The following SLCO1B3 variants were observed in gnomAD, a reference collection of about 807,000 sequenced individuals.
SLCO1B3 encodes the protein liver-specific organic anion transporter 2.
Under a neutral mutation model 71.8 loss-of-function variants are expected in SLCO1B3, and 72 were observed. The observed-to-expected ratio is 1.00, with a 90% CI of 0.83 to 1.22. The LOEUF is 1.22. SLCO1B3 is among the 50% of genes most tolerant of loss of function. SLCO1B3 has a pLI of 0.00. For synonymous variants in SLCO1B3, 298 were observed against 278.4 expected (o/e 1.07, Z -0.70); for missense variants, 911 against 819.7 (o/e 1.11, Z -1.36).
chr12:20,834,777 G>A (rs985119673), intron 3 of SLCO1B3, among the ~76,000 whole-genome samples: 1 of 152,024 alleles, frequency 6.6e-6, no homozygotes, highest in African/African-American at 2.4e-5. Flanking sequence ...GCTTTTCCAT[G>A]TGCACAGTGC....
At chr12:20,913,544 C>A (rs1866428696) in intron 15 of SLCO1B3, among the ~76,000 whole-genome samples, 1 of 152,044 alleles carries the variant, frequency 6.6e-6, no homozygotes, top group Admixed American at 6.6e-5. Context: ...TATGTAAAGA[C>A]TTTTTTATCC....
chr12:20,870,899 A>G (rs1865462817), intron 8 of SLCO1B3, among the ~76,000 whole-genome samples: 1 of 152,038 alleles, frequency 6.6e-6, no homozygotes, highest in Non-Finnish European at 1.5e-5. Context: ...TTATGAAGGG[A>G]TGTTGAATTT....
At chr12:20,893,640 T>C (rs1865946818) in intron 13 of SLCO1B3, among the ~76,000 whole-genome samples, 3 of 151,992 alleles carry the variant, frequency 2.0e-5, no homozygotes, top group Non-Finnish European at 1.5e-5. Context: ...AACAAGAAAG[T>C]GAAAGGGCTA....
chr12:20,873,671 CAT>C (rs1409589490), intron 8 of SLCO1B3, among the ~76,000 whole-genome samples: 3 of 152,174 alleles, frequency 2.0e-5, no homozygotes, highest in African/African-American at 7.2e-5. Context: ...CATAGGTAAA[CAT>C]GTGCAATGGT....
At chr12:20,816,935 A>G (rs1250557669) in intron 3 of SLCO1B3, among the ~76,000 whole-genome samples, 1 of 152,160 alleles carries the variant, frequency 6.6e-6, no homozygotes, top group Non-Finnish European at 1.5e-5. Flanking sequence ...ATTGATTTGC[A>G]TTTCTCTGAT....
chr12:20,915,963 A>T (rs747718314), intron 15 of SLCO1B3, 41 bp from the exon 16 acceptor site: 6 of 1,481,932 alleles, frequency 4.0e-6, no homozygotes. Context: ...TATTTTACAC[A>T]TTTAAAATAA....
chr12:20,856,246 A>G (rs1865133432), intron 4 of SLCO1B3, among the ~76,000 whole-genome samples: 1 of 152,176 alleles, frequency 6.6e-6, no homozygotes, highest in South Asian at 2.1e-4. Context: ...CATCATTATC[A>G]GTTTGGTTTC....
Position 20,906,466 on chromosome 12 carries a change from TAAA to T in SLCO1B3, c.1865+5002_1865+5004del, listed in dbSNP as rs563926880. Among the ~76,000 whole-genome samples, 567 of 152,226 alleles carry T rather than the reference TAAA, an allele frequency of 3.7e-3. 2 individuals are homozygous for T. Among genetic ancestry groups the T allele is most frequent in the Non-Finnish European group, 7.0e-3 (478 of 68,000 alleles). The stretch of plus-strand genomic sequence containing the variant: ...GCCAAACCTATAGAACTTTACAACA[TAAA>T]AAGTGAACTCTAATGTAAAATATGC... On this transcript the variant is annotated intron_variant, in intron 15 of 15. Transcript: ENST00000381545.
rs765688756 is a variant in SLCO1B3, at chr12:20,855,081, C to G, written c.138C>G (p.Ile46Met). Residue 46 changes from isoleucine to methionine, a missense_variant, in exon 4 of 16, where the codon ATC becomes ATG. Transcript: ENST00000381545. The part of the protein sequence containing the change: ...FSYIAKALGG[I>M]IMKISITQIE... ...ATATTGCTAAAGCACTAGGTGGAAT[C>G]ATTATGAAAATTTCCATCACTCAAA... is the stretch of plus-strand genomic sequence containing the variant. 2 of 1,611,664 alleles carry G rather than the reference C, an allele frequency of 1.2e-6. No homozygotes were observed. Among genetic ancestry groups the G allele is most frequent in the Non-Finnish European group, 1.7e-6 (2 of 1,178,936 alleles).
chr12:20,873,296 G>A (rs951704439), intron 8 of SLCO1B3, among the ~76,000 whole-genome samples: 1 of 152,180 alleles, frequency 6.6e-6, no homozygotes, highest in Non-Finnish European at 1.5e-5. Context: ...TGTTATATAT[G>A]TGGTCCAAAT....
intron 15 of SLCO1B3, among the ~76,000 whole-genome samples, chr12:20,908,358 A>G (rs1048985839): frequency 6.6e-6 from 1 of 152,196 alleles, no homozygotes; most frequent in South Asian, 2.1e-4. Flanking sequence ...ATTTGTTACA[A>G]TTGACAAACC....
chr12:20,900,920 A>G (rs575966583), intron 14 of SLCO1B3, among the ~76,000 whole-genome samples: 87 of 152,200 alleles, frequency 5.7e-4, no homozygotes, highest in Non-Finnish European at 1.1e-3. Flanking sequence ...AGCAGTTTAG[A>G]TGAGAGCTTT....
At chr12:20,821,387 A>T (rs1236576049) in intron 3 of SLCO1B3, among the ~76,000 whole-genome samples, 1 of 152,128 alleles carries the variant, frequency 6.6e-6, no homozygotes, top group African/African-American at 2.4e-5. Flanking sequence ...AGGTCAGGTG[A>T]GAGTTGAAGA....
intron 3 of SLCO1B3, among the ~76,000 whole-genome samples, chr12:20,821,320 G>A (rs190882211): frequency 6.6e-6 from 1 of 152,130 alleles, no homozygotes; most frequent in Non-Finnish European, 1.5e-5. Context: ...TGTAACTACT[G>A]TCGAGTTTGT....
At chr12:20,862,180 A>T (rs1354211410) in intron 6 of SLCO1B3, among the ~76,000 whole-genome samples, 1 of 152,200 alleles carries the variant, frequency 6.6e-6, no homozygotes, top group Non-Finnish European at 1.5e-5. Flanking sequence ...AATGCAGAAG[A>T]TCTAGAATAA....
At position 20,886,815 on chromosome 12, in the gene SLCO1B3, C is replaced by T. The variant is rs141263136; in HGVS notation, c.1682+3213C>T. 5.3e-5 allele frequency among the ~76,000 whole-genome samples: 8 copies of T among 151,924 alleles called. No homozygotes were observed. In the South Asian group the frequency reaches 1.0e-3, roughly 20 times the overall value. The stretch of plus-strand genomic sequence containing the variant: ...GTCTGGGGTTTAATGTTCCCATCAC[C>T]CGAATCGTGTACTTTATATTCAATA... On this transcript the variant is annotated intron_variant, in intron 13 of 15. Coordinates refer to ENST00000381545, the MANE Select transcript of SLCO1B3 (RefSeq NM_019844.4).
At chr12:20,855,227 T>G in intron 4 of SLCO1B3, 58 bp downstream of exon 4, 1 of 1,422,216 alleles carries the variant, frequency 7.0e-7, no homozygotes, top group Admixed American at 1.9e-5. Flanking sequence ...AAACAAACTG[T>G]TCATGCATGC....
chr12:20,915,269 C>T (rs1166612592), intron 15 of SLCO1B3, among the ~76,000 whole-genome samples: 3 of 151,972 alleles, frequency 2.0e-5, no homozygotes, highest in African/African-American at 7.2e-5. Flanking sequence ...AATAATAAAT[C>T]CATGAAGGCA....
intron 3 of SLCO1B3, among the ~76,000 whole-genome samples, chr12:20,824,998 A>G (rs1433353825): frequency 6.6e-6 from 1 of 152,110 alleles, no homozygotes; most frequent in African/African-American, 2.4e-5. Context: ...GAGAGAGGAG[A>G]CTTAATTTCC....
Sources: allele counts gnomAD v4.1 joint callset (sites outside exome capture counted in the v4.1 genomes callset), GRCh38; gene constraint gnomAD v4.1.1; transcripts MANE v1.5; gene names NCBI Gene and HGNC (gene_info 2026-07-23, HGNC 2026-07-21).